Variants in GRID2 observed in about 807,000 individuals in gnomAD.
GRID2 encodes the protein glutamate ionotropic receptor delta type subunit 2.
Under a neutral mutation model 114.8 loss-of-function variants are expected in GRID2, and 33 were observed. The ratio of observed to expected loss-of-function variants is 0.29; its 90% CI spans 0.22 to 0.38. GRID2 has a LOEUF of 0.38. Ranked by LOEUF, GRID2 falls within the 10% of genes least tolerant of loss-of-function variation. The pLI, the probability that GRID2 is intolerant of heterozygous loss-of-function variation, is 1.00. For missense variants in GRID2, 1,184 were observed against 1,257.7 expected, an observed-to-expected ratio of 0.94 and a Z score of 0.89; for synonymous variants, 505 against 449.9, an observed-to-expected ratio of 1.12 and a Z score of -1.55.
intron 2 of GRID2, among the ~76,000 whole-genome samples, chr4:92,745,384 TTTTTCA>T (rs1386628156): frequency 6.6e-6 from 1 of 152,248 alleles, no homozygotes; most frequent in Admixed American, 6.5e-5. Flanking sequence ...TAATGTACTA[TTTTTCA>T]TTTTCATTCT....
Position 92,990,283 on chromosome 4 carries a change from G to GTATATATATA in GRID2, c.245-94711_245-94710insATATATATAT, listed in dbSNP as rs768992597. 6.4e-3 allele frequency among the ~76,000 whole-genome samples: 315 copies of GTATATATATA among 49,112 alleles called. 5 individuals carry two copies. The highest frequency in any genetic ancestry group is 0.032 in the Middle Eastern group (3 of 94). 32.2% of individuals were successfully genotyped at this position (49,112 alleles called of 152,430 possible). A position where few individuals can be genotyped will look rare whatever the true frequency, so the allele number is the denominator to read the frequency against. ...TATATATATATGTACGTAGATATGT[G>GTATATATATA]TGTGTATATATATATATATATATGT... On this transcript the variant is annotated intron_variant, in intron 2 of 15. Coordinates refer to ENST00000282020, the MANE Select transcript of GRID2 (RefSeq NM_001510.4).
intron 2 of GRID2, among the ~76,000 whole-genome samples, chr4:92,742,504 C>A (rs1423006935): frequency 6.6e-6 from 1 of 152,034 alleles, no homozygotes; most frequent in Non-Finnish European, 1.5e-5. Context: ...ATGCATTTTT[C>A]TTTAATCTTT....
intron 12 of GRID2, among the ~76,000 whole-genome samples, chr4:93,496,903 A>G (rs1343277001): frequency 6.6e-6 from 1 of 151,852 alleles, no homozygotes; most frequent in Non-Finnish European, 1.5e-5. Flanking sequence ...GCCCAGGAAT[A>G]CAATTGCTCG....
intron 2 of GRID2, among the ~76,000 whole-genome samples, chr4:92,829,068 T>C (rs1741924870): frequency 6.6e-6 from 1 of 152,188 alleles, no homozygotes; most frequent in Non-Finnish European, 1.5e-5. Flanking sequence ...CTTTTGGTGT[T>C]TTAGTCATGA....
chr4:93,299,211 C>T (rs571422542), intron 8 of GRID2, among the ~76,000 whole-genome samples: 3 of 152,042 alleles, frequency 2.0e-5, no homozygotes, highest in East Asian at 1.9e-4. Flanking sequence ...CTCAGGCACT[C>T]GTAGCCCACT....
rs113587417 is a variant in GRID2 at position 92,338,037 on chromosome 4, C to T, written c.88+33293C>T. 4.3e-3 allele frequency among the ~76,000 whole-genome samples: 660 copies of T among 152,138 alleles called. 7 individuals carry two copies. The highest frequency in any genetic ancestry group is 0.015 in the African/African-American group (623 of 41,476). ...ACATGGGATCTAGAAGAAGCACCAA[C>T]AGTATCTGGTACAAAAAAGAACTAG... On this transcript the variant is annotated intron_variant, in intron 1 of 15. Coordinates refer to ENST00000282020, the MANE Select transcript of GRID2 (RefSeq NM_001510.4).
intron 13 of GRID2, among the ~76,000 whole-genome samples, chr4:93,520,146 A>G (rs1730187367): frequency 6.6e-6 from 1 of 152,150 alleles, no homozygotes; most frequent in African/African-American, 2.4e-5. Flanking sequence ...GTGGACTTGA[A>G]CCTGCTATTT....
chr4:92,441,950 T>G (rs1309076242), intron 1 of GRID2, among the ~76,000 whole-genome samples: 2 of 151,620 alleles, frequency 1.3e-5, no homozygotes, highest in East Asian at 3.9e-4. Context: ...ATAAGGGAAC[T>G]GGGCAGGTGG....
At chr4:93,205,840 G>C (rs927798259) in intron 4 of GRID2, among the ~76,000 whole-genome samples, 1 of 151,920 alleles carries the variant, frequency 6.6e-6, no homozygotes, top group Non-Finnish European at 1.5e-5. Flanking sequence ...ACTTTTTAAT[G>C]ATCGCCATTC....
At chr4:92,959,339 C>A (rs1752637605) in intron 2 of GRID2, among the ~76,000 whole-genome samples, 2 of 151,854 alleles carry the variant, frequency 1.3e-5, no homozygotes, top group African/African-American at 4.8e-5. Flanking sequence ...ATAAATATCC[C>A]TGTAAGCACT....
chr4:92,757,423 T>C (rs1737776574), intron 2 of GRID2, among the ~76,000 whole-genome samples: 1 of 152,128 alleles, frequency 6.6e-6, no homozygotes, highest in Non-Finnish European at 1.5e-5. Flanking sequence ...TTGACAAAAA[T>C]ATTTATTCAC....
At chr4:93,714,423 C>T (rs1186468815) in intron 14 of GRID2, among the ~76,000 whole-genome samples, 1 of 152,120 alleles carries the variant, frequency 6.6e-6, no homozygotes, top group Non-Finnish European at 1.5e-5. Context: ...ATCTTCATAA[C>T]AGAATGACTT....
intron 2 of GRID2, among the ~76,000 whole-genome samples, chr4:93,030,159 A>G (rs775938112): frequency 6.6e-6 from 1 of 152,116 alleles, no homozygotes; most frequent in Non-Finnish European, 1.5e-5. Context: ...TCTTTACAGG[A>G]AAGTTTATAA....
intron 2 of GRID2, among the ~76,000 whole-genome samples, chr4:92,642,940 T>C (rs188802500): frequency 4.6e-5 from 7 of 151,898 alleles, no homozygotes; most frequent in Non-Finnish European, 8.8e-5. Flanking sequence ...TTCTGTTTCT[T>C]ATTCTGATCT....
chr4:92,709,497 C>T (rs1266639443), intron 2 of GRID2, among the ~76,000 whole-genome samples: 1 of 143,016 alleles, frequency 7.0e-6, no homozygotes, highest in Non-Finnish European at 1.5e-5. Flanking sequence ...AAGAGAAAAA[C>T]TAGGAACGTT....
At chr4:93,505,633 TAAATA>T (rs1002087613) in intron 12 of GRID2, among the ~76,000 whole-genome samples, 2 of 148,752 alleles carry the variant, frequency 1.3e-5, no homozygotes, top group South Asian at 2.1e-4. Context: ...ACACATATAT[TAAATA>T]TAATATATCT....
intron 2 of GRID2, among the ~76,000 whole-genome samples, chr4:92,812,717 C>G (rs559181569): frequency 6.6e-6 from 1 of 152,064 alleles, no homozygotes; most frequent in Non-Finnish European, 1.5e-5. Context: ...AGGTATACAA[C>G]TCTTTATAAA....
chr4:92,925,479 T>C (rs193041062), intron 2 of GRID2, among the ~76,000 whole-genome samples: 8 of 152,088 alleles, frequency 5.3e-5, no homozygotes, highest in African/African-American at 7.2e-5. Context: ...TTAAGAAGAG[T>C]ATATTTCCTT....
intron 4 of GRID2, among the ~76,000 whole-genome samples, chr4:93,142,563 A>G (rs192512229): frequency 2.6e-5 from 4 of 152,268 alleles, no homozygotes; most frequent in East Asian, 1.9e-4. Context: ...ATTATCACCT[A>G]GAGGGTTAGA....
Sources: allele counts gnomAD v4.1 joint callset (sites outside exome capture counted in the v4.1 genomes callset), GRCh38; gene constraint gnomAD v4.1.1; transcripts MANE v1.5; gene names NCBI Gene and HGNC (gene_info 2026-07-23, HGNC 2026-07-21).